Variants in KLF3 observed in about 807,000 individuals in gnomAD.
KLF3 encodes Krueppel-like factor 3.
In KLF3, 6 loss-of-function variants were observed where a neutral mutation model predicts 32.7. That is an observed-to-expected ratio of 0.18 (90% CI 0.10 to 0.36). The LOEUF is 0.36. Among genes scored for constraint, KLF3 ranks in the 10% least tolerant of loss-of-function variants. The pLI, the probability that KLF3 is intolerant of heterozygous loss-of-function variation, is 1.00. For missense variants in KLF3, 338 were observed against 449.7 expected (o/e 0.75, Z 2.25); for synonymous variants, 145 against 172.8 (o/e 0.84, Z 1.26).
intron 1 of KLF3, among the ~76,000 whole-genome samples, chr4:38,678,899 G>T (rs1032076833): frequency 6.6e-6 from 1 of 152,212 alleles, no homozygotes; most frequent in Non-Finnish European, 1.5e-5. Context: ...TGGCTAATGA[G>T]TGCCTGAAGT....
At chr4:38,684,541 G>GTTT (rs139709836) in intron 2 of KLF3, among the ~76,000 whole-genome samples, 1 of 109,158 alleles carries the variant, frequency 9.2e-6, no homozygotes, top group Non-Finnish European at 1.8e-5. Flanking sequence ...GGTTTTTTGT[G>GTTT]TTTTTTTTTT....
intron 1 of KLF3, among the ~76,000 whole-genome samples, chr4:38,678,562 ATTCGTG>A (rs1722420212): frequency 6.6e-6 from 1 of 152,208 alleles, no homozygotes; most frequent in Non-Finnish European, 1.5e-5. Context: ...TATTGATGAA[ATTCGTG>A]TGTTGTCATG....
intron 2 of KLF3, among the ~76,000 whole-genome samples, chr4:38,683,214 G>A (rs1722581777): frequency 6.6e-6 from 1 of 152,066 alleles, no homozygotes; most frequent in African/African-American, 2.4e-5. Flanking sequence ...GGCACAATAG[G>A]ACATTTGTAA....
intron 1 of KLF3, among the ~76,000 whole-genome samples, chr4:38,668,476 A>G (rs1722106373): frequency 6.6e-6 from 1 of 152,148 alleles, no homozygotes; most frequent in Non-Finnish European, 1.5e-5. Context: ...CACATTCTTT[A>G]TGTATAAATG....
intron 3 of KLF3, 64 bp downstream of exon 3, chr4:38,689,135 G>A: frequency 6.3e-7 from 1 of 1,582,620 alleles, no homozygotes; most frequent in Non-Finnish European, 8.6e-7. Context: ...CACCAGATGG[G>A]GTGGGTGAGG....
rs1360244014 is a variant in KLF3, at chr4:38,698,769, C to G, written c.*1506C>G. On this transcript the variant is annotated 3_prime_UTR_variant, in exon 6 of 6. Transcript: ENST00000261438. ...AGTCTAAATGCCAATAAAAATAATTCATACATAGAAATGTCATTGGTCCTG... is the reference window on the plus strand; with the variant it reads ...AGTCTAAATGCCAATAAAAATAATTGATACATAGAAATGTCATTGGTCCTG... The G allele has an allele frequency of 6.6e-6, 1 of 152,084 alleles. No homozygotes were observed. Among genetic ancestry groups the G allele is most frequent in the African/African-American group, 2.4e-5 (1 of 41,380 alleles). The allele number at this position is 152,084 out of a possible 1,614,324, so 9.4% of individuals were successfully genotyped here.
At position 38,674,434 on chromosome 4, in the gene KLF3, C is replaced by CT. The variant is rs11455486; in HGVS notation, c.-39-6141dup. On this transcript the variant is annotated intron_variant, in intron 1 of 5. Coordinates refer to ENST00000261438, the MANE Select transcript of KLF3 (RefSeq NM_016531.6). This position sits in a 1 kb window ranked among gnomAD's most constrained non-coding sequence, Gnocchi z 4.1. Reference sequence around the variant, plus strand: ...TTACACACACACATGCACACACCGCCTTTTTTTTTTTTCTTTTTTTGCCTT... The same window carrying CT: ...TTACACACACACATGCACACACCGCCTTTTTTTTTTTTTCTTTTTTTGCCTT... 0.39 allele frequency among the ~76,000 whole-genome samples: 57,486 copies of CT among 146,440 alleles called. 11,614 individuals are homozygous for CT. The highest frequency in any genetic ancestry group is 0.46 in the Non-Finnish European group (30,680 of 66,664).
intron 4 of KLF3, among the ~76,000 whole-genome samples, chr4:38,693,135 T>C (rs1421172899): frequency 1.4e-5 from 2 of 145,812 alleles, no homozygotes; most frequent in African/African-American, 5.0e-5. Context: ...TATACGTGTA[T>C]ATATATGTGT....
chr4:38,684,514 G>A (rs904773391), intron 2 of KLF3, among the ~76,000 whole-genome samples: 2 of 149,678 alleles, frequency 1.3e-5, no homozygotes, highest in African/African-American at 2.5e-5. Flanking sequence ...GTGGTTTTGT[G>A]GAGGTTTTTT....
In KLF3 at chr4:38,689,214, C is replaced by A. The variant is rs1722800658; in HGVS notation, c.544+143C>A. On this transcript the variant is annotated intron_variant, in intron 3 of 5. Coordinates refer to ENST00000261438, the MANE Select transcript of KLF3 (RefSeq NM_016531.6). ...CATCTGCCTAAGGCATTTCCTTCCCCCGCCCCCCCAAAGTGTTGATACTGG... is the reference window on the plus strand; with the variant it reads ...CATCTGCCTAAGGCATTTCCTTCCCACGCCCCCCCAAAGTGTTGATACTGG... The A allele has an allele frequency of 5.5e-5, 57 of 1,037,990 alleles. 2 individuals carry two copies. The South Asian group carries it at 9.0e-4, about 16-fold the overall frequency. The allele number at this position is 1,037,990 out of a possible 1,614,324, so 64.3% of individuals were successfully genotyped here. A position where few individuals can be genotyped will look rare whatever the true frequency, so the allele number is the denominator to read the frequency against.
At chr4:38,683,839 A>C (rs960551030) in intron 2 of KLF3, among the ~76,000 whole-genome samples, 1 of 152,224 alleles carries the variant, frequency 6.6e-6, no homozygotes, top group South Asian at 2.1e-4. Context: ...TAGATAGGAA[A>C]GTATGTCACA....
chr4:38,683,602 G>C (rs1251330832), intron 2 of KLF3, among the ~76,000 whole-genome samples: 3 of 149,082 alleles, frequency 2.0e-5, no homozygotes, highest in Non-Finnish European at 4.4e-5. Flanking sequence ...ATATGAAACT[G>C]TGTGTAAAAA....
chr4:38,697,440 C>T lies in KLF3; in HGVS notation c.*177C>T, dbSNP rs2109259213. On this transcript the variant is annotated 3_prime_UTR_variant, in exon 6 of 6. Transcript: ENST00000261438. ...TGGTCAGTAGTAGATGTTCTCTAATCCTCCCTCTCCTTACCACGGGTCAGA... is the reference window on the plus strand; with the variant it reads ...TGGTCAGTAGTAGATGTTCTCTAATTCTCCCTCTCCTTACCACGGGTCAGA... 1 of 527,770 alleles carries T rather than the reference C, an allele frequency of 1.9e-6. No individual in the cohort carries two copies. The allele number at this position is 527,770 out of a possible 1,614,324, so 32.7% of individuals were successfully genotyped here. A position where few individuals can be genotyped will look rare whatever the true frequency, so the allele number is the denominator to read the frequency against.
chr4:38,667,456 T>C (rs1207017554), intron 1 of KLF3, among the ~76,000 whole-genome samples: 1 of 152,210 alleles, frequency 6.6e-6, no homozygotes, highest in Non-Finnish European at 1.5e-5. Flanking sequence ...GACGCCTGTG[T>C]TATGTCATAA....
intron 2 of KLF3, among the ~76,000 whole-genome samples, chr4:38,684,679 C>T (rs1722639678): frequency 6.6e-6 from 1 of 151,744 alleles, no homozygotes; most frequent in South Asian, 2.1e-4. Flanking sequence ...TCAGCCTCCC[C>T]AGTAGCTGGG....
intron 1 of KLF3, among the ~76,000 whole-genome samples, chr4:38,675,851 A>G (rs971400057): frequency 1.6e-4 from 25 of 152,322 alleles, no homozygotes; most frequent in Admixed American, 4.6e-4. Flanking sequence ...AAAGACTGCC[A>G]AGTTTAGGGA....
At chr4:38,689,264 C>T (rs557484124) in intron 3 of KLF3, among the ~76,000 whole-genome samples, 193 bp downstream of exon 3, 1 of 152,208 alleles carries the variant, frequency 6.6e-6, no homozygotes, top group East Asian at 1.9e-4. Context: ...ATCAGGCTGT[C>T]TGTTTGATAC....
chr4:38,689,738 T>C lies in KLF3; in HGVS notation c.554T>C (p.Ile185Thr). 1 of 1,581,066 alleles carries C rather than the reference T, an allele frequency of 6.3e-7. No homozygotes were observed. Residue 185 changes from isoleucine (I) to threonine (T), a missense_variant, in exon 4 of 6, where the codon ATT (isoleucine) becomes ACT (threonine). Physicochemically the swap from Ile to Thr is moderately conservative, Grantham distance 89. Transcript: ENST00000261438. ...TATTTTTATTTTTTAGTACCTGTAA[T>C]TGAATCATATGAGAAGCCTATATCA... ...NSSSSMQVPV[I>T]ESYEKPISQK...
intron 2 of KLF3, among the ~76,000 whole-genome samples, chr4:38,682,181 C>T (rs1302253543): frequency 6.6e-6 from 1 of 152,248 alleles, no homozygotes; most frequent in Non-Finnish European, 1.5e-5. Flanking sequence ...GCCTCAGCCA[C>T]CATAGTAGCT....
Sources: allele counts gnomAD v4.1 joint callset (sites outside exome capture counted in the v4.1 genomes callset), GRCh38; gene constraint gnomAD v4.1.1; non-coding constraint Gnocchi (gnomAD v3.1); transcripts MANE v1.5; gene names NCBI Gene and HGNC (gene_info 2026-07-23, HGNC 2026-07-21).